The following PPEF2 variants were observed in gnomAD, a reference collection of about 807,000 sequenced individuals.
The protein encoded by PPEF2 is protein phosphatase with EF-hand domain 2, also known as serine/threonine-protein phosphatase with EF-hands 2.
Under a neutral mutation model 84.7 loss-of-function variants are expected in PPEF2, and 84 were observed. The ratio of observed to expected loss-of-function variants is 0.99; its 90% CI spans 0.83 to 1.19. PPEF2 has a LOEUF of 1.19. Among genes scored for constraint, PPEF2 ranks in the 50% most tolerant of loss-of-function variants. The pLI, the probability that PPEF2 is intolerant of heterozygous loss-of-function variation, is 0.00. For missense variants in PPEF2, 924 were observed against 937.5 expected (o/e 0.99, Z 0.19); for synonymous variants, 346 against 345.2 (o/e 1.00, Z -0.03).
In PPEF2 at chr4:75,887,926, T is replaced by G. The variant is rs542795824; in HGVS notation, c.532+288A>C. Among the ~76,000 whole-genome samples the G allele has an allele frequency of 1.1e-4, 17 of 152,302 alleles. 1 individual carries two copies. Among genetic ancestry groups the G allele is most frequent in the African/African-American group, 4.1e-4 (17 of 41,556 alleles). ...CCATCTTCTAACAAGGAGGGTCTGG[T>G]TATTTGCAGAGATTTTGTTTTGAAT... On this transcript the variant is annotated intron_variant, in intron 6 of 16. Coordinates refer to ENST00000286719, the MANE Select transcript of PPEF2 (RefSeq NM_006239.3).
intron 10 of PPEF2, among the ~76,000 whole-genome samples, chr4:75,880,376 C>G (rs1724538587): frequency 6.6e-6 from 1 of 152,156 alleles, no homozygotes; most frequent in Admixed American, 6.6e-5. Context: ...GACTCTGGAG[C>G]CCATACCTCT....
rs566322777 is a variant in PPEF2 at position 75,899,746 on chromosome 4, T to G, written c.-59+2484A>C. On this transcript the variant is annotated intron_variant, in intron 1 of 16. Transcript: ENST00000286719. ...AGATGTCATGATACCAGAATCTGAG[T>G]TTGGGGTAAAGTGAGAAGCCATCAT... Among the ~76,000 whole-genome samples the G allele has an allele frequency of 2.9e-4, 43 of 150,570 alleles. No homozygotes were observed. The South Asian group carries it at 8.9e-3, about 31-fold the overall frequency.
chr4:75,896,289 A>C lies in PPEF2; in HGVS notation c.37T>G (p.Phe13Val). Residue 13 changes from phenylalanine to valine, a missense_variant, in exon 2 of 17, where the codon TTC becomes GTC. Coordinates refer to ENST00000286719, the MANE Select transcript of PPEF2 (RefSeq NM_006239.3). ...SGTSTQHHFA[F>V]QNAERAFKAA... ...CACGTACCTCTCTCTGCATTCTGGA[A>C]AGCAAAATGATGTTGGGTGGAGGTG... The C allele has an allele frequency of 6.2e-7, 1 of 1,614,216 alleles. No individual in the cohort carries two copies. Among genetic ancestry groups the C allele is most frequent in the Non-Finnish European group, 8.5e-7 (1 of 1,180,036 alleles).
chr4:75,871,969 G>C, intron 13 of PPEF2, 56 bp downstream of exon 13: 1 of 1,492,536 alleles, frequency 6.7e-7, no homozygotes, highest in East Asian at 2.3e-5. Flanking sequence ...TTCATTCAAA[G>C]ATTCTATGAA....
chr4:75,872,561 G>A (rs567273907), intron 12 of PPEF2, among the ~76,000 whole-genome samples: 4 of 152,138 alleles, frequency 2.6e-5, no homozygotes, highest in African/African-American at 2.4e-5. Context: ...AGTTTTCTAC[G>A]GAATGTTGTG....
intron 2 of PPEF2, among the ~76,000 whole-genome samples, chr4:75,892,313 G>A (rs541663128): frequency 6.6e-6 from 1 of 152,280 alleles, no homozygotes; most frequent in African/African-American, 2.4e-5. Flanking sequence ...GTAAACTCAT[G>A]AGATTGCAAG....
chr4:75,899,074 T>A (rs1442393021), intron 1 of PPEF2, among the ~76,000 whole-genome samples: 1 of 152,190 alleles, frequency 6.6e-6, no homozygotes, highest in Non-Finnish European at 1.5e-5. Context: ...TGATCTCAAC[T>A]TTTTTAGCTC....
chr4:75,891,737 G>C, intron 3 of PPEF2, 32 bp from the exon 4 acceptor site: 1 of 1,602,856 alleles, frequency 6.2e-7, no homozygotes, highest in Non-Finnish European at 8.5e-7. Flanking sequence ...CGTGGCTTTA[G>C]AGGTGAGCGA....
intron 13 of PPEF2, among the ~76,000 whole-genome samples, chr4:75,868,079 G>A (rs576527567): frequency 1.2e-3 from 175 of 151,930 alleles, no homozygotes; most frequent in African/African-American, 4.1e-3. Context: ...GGAGGCCAAG[G>A]TGGGTGGATT....
At chr4:75,864,631 C>A (rs1004474654) in intron 15 of PPEF2, 104 bp from the exon 16 acceptor site, 119 of 931,076 alleles carry the variant, frequency 1.3e-4, no homozygotes, top group Non-Finnish European at 1.8e-4. Context: ...CTTGAAAAAA[C>A]CTGAAAATAT....
At chr4:75,879,996 T>A (rs1318601140) in intron 10 of PPEF2, among the ~76,000 whole-genome samples, 1 of 151,936 alleles carries the variant, frequency 6.6e-6, no homozygotes, top group Non-Finnish European at 1.5e-5. Context: ...ATCCAGCTAA[T>A]TTTTGTACTT....
chr4:75,877,006 A>AAAAAAAGAAAGAAAG (rs1724435130), intron 10 of PPEF2, among the ~76,000 whole-genome samples: 1 of 53,542 alleles, frequency 1.9e-5, no homozygotes, highest in African/African-American at 4.0e-5. Flanking sequence ...AGACCCTGAA[A>AAAAAAAGAAAGAAAG]AAAGAAAGAA....
At chr4:75,900,224 C>A (rs1725089759) in intron 1 of PPEF2, among the ~76,000 whole-genome samples, 1 of 152,058 alleles carries the variant, frequency 6.6e-6, no homozygotes, top group Non-Finnish European at 1.5e-5. Flanking sequence ...AATAAATCCT[C>A]TTTTGCCCTT....
intron 10 of PPEF2, among the ~76,000 whole-genome samples, chr4:75,882,566 TCA>T (rs1724605446): frequency 6.6e-6 from 1 of 151,820 alleles, no homozygotes; most frequent in African/African-American, 2.4e-5. Flanking sequence ...AAACAGGTTC[TCA>T]CTGTGTCCCT....
At chr4:75,877,366 G>A (rs1174755232) in intron 10 of PPEF2, among the ~76,000 whole-genome samples, 3 of 17,808 alleles carry the variant, frequency 1.7e-4, no homozygotes, top group African/African-American at 1.9e-4. Flanking sequence ...AAAAAAGAGA[G>A]AGAGAAAGAA....
chr4:75,894,869 T>C (rs1724972665), intron 2 of PPEF2, among the ~76,000 whole-genome samples: 1 of 152,196 alleles, frequency 6.6e-6, no homozygotes, highest in South Asian at 2.1e-4. Context: ...ATTCACAAGA[T>C]AAGGAAACCC....
chr4:75,877,056 C>G (rs1724444358), intron 10 of PPEF2, among the ~76,000 whole-genome samples: 1 of 41,288 alleles, frequency 2.4e-5, no homozygotes, highest in Non-Finnish European at 9.2e-5. Context: ...ACAGAGAAGC[C>G]AGGTGCGGTG....
chr4:75,877,666 CTTTCTCT>C (rs1724462914), intron 10 of PPEF2, among the ~76,000 whole-genome samples: 1 of 129,194 alleles, frequency 7.7e-6, no homozygotes, highest in Admixed American at 7.4e-5. Context: ...TTTGTATTTC[CTTTCTCT>C]TTTTTTTTTT....
At position 75,876,280 on chromosome 4, in the gene PPEF2, C is replaced by T. The variant is rs943871735; in HGVS notation, c.1320+7G>A. ...CATGCTAGGAAGCAGCGCCTGGCCACGCTCACCTGCCTCCACTCCTCCTGA... is the reference window on the plus strand; with the variant it reads ...CATGCTAGGAAGCAGCGCCTGGCCATGCTCACCTGCCTCCACTCCTCCTGA... On this transcript the variant is annotated splice_region_variant and intron_variant, in intron 11 of 16. Coordinates refer to ENST00000286719, the MANE Select transcript of PPEF2 (RefSeq NM_006239.3). 15 of 1,586,628 alleles carry T rather than the reference C, an allele frequency of 9.5e-6. No individual in the cohort carries two copies. The highest frequency in any genetic ancestry group is 1.3e-5 in the Non-Finnish European group (15 of 1,165,682).
Sources: allele counts gnomAD v4.1 joint callset (sites outside exome capture counted in the v4.1 genomes callset), GRCh38; gene constraint gnomAD v4.1.1; transcripts MANE v1.5; gene names NCBI Gene and HGNC (gene_info 2026-07-23, HGNC 2026-07-21).